The following DIAPH2 variants were observed in gnomAD, a reference collection of about 807,000 sequenced individuals.
DIAPH2 encodes protein diaphanous homolog 2.
In DIAPH2, 35 loss-of-function variants were observed where a neutral mutation model predicts 92.7. The observed-to-expected ratio is 0.38, with a 90% CI of 0.29 to 0.50. The LOEUF (loss-of-function observed/expected upper bound fraction) is 0.50, where lower values mean the gene tolerates loss of function less well. Among genes scored for constraint, DIAPH2 ranks in the 20% least tolerant of loss-of-function variants. The pLI, the probability that DIAPH2 is intolerant of heterozygous loss-of-function variation, is 0.94. For missense variants in DIAPH2, 701 were observed against 819.5 expected (o/e 0.86, Z 1.77); for synonymous variants, 301 against 280.4 (o/e 1.07, Z -0.73).
intron 17 of DIAPH2, among the ~76,000 whole-genome samples, chrX:96,968,866 C>T (rs1191243284): frequency 8.9e-6 from 1 of 112,441 alleles, no homozygotes; most frequent in East Asian, 2.8e-4. Flanking sequence ...TGAGGTCTTA[C>T]ATTTAATTCT....
chrX:96,977,735 G>A (rs1204057593), intron 17 of DIAPH2, among the ~76,000 whole-genome samples: 3 of 109,653 alleles, frequency 2.7e-5, no homozygotes, highest in African/African-American at 1.0e-4. Context: ...CCAGGCTGGA[G>A]TGCAGTGGCA....
intron 4 of DIAPH2, among the ~76,000 whole-genome samples, chrX:96,786,157 A>G (rs1001667594): frequency 6.2e-5 from 7 of 112,137 alleles, no homozygotes; most frequent in Admixed American, 4.7e-4. Context: ...GCCCTTTTCC[A>G]CAGAAAGGTA....
At chrX:96,951,705 A>G (rs1185214860) in intron 15 of DIAPH2, among the ~76,000 whole-genome samples, 1 of 111,812 alleles carries the variant, frequency 8.9e-6, no homozygotes, top group Non-Finnish European at 1.9e-5. Context: ...ACGATGTGGT[A>G]GCCTAATTTA....
chrX:96,863,568 T>A (rs2065085442), intron 4 of DIAPH2, among the ~76,000 whole-genome samples: 1 of 111,106 alleles, frequency 9.0e-6, no homozygotes, highest in South Asian at 3.7e-4. Flanking sequence ...AAATTACTAT[T>A]TAGATTTTTT....
intron 26 of DIAPH2, among the ~76,000 whole-genome samples, chrX:97,447,409 G>A (rs933709002): frequency 9.0e-6 from 1 of 111,068 alleles, no homozygotes; most frequent in Admixed American, 9.6e-5. Context: ...GCTAGGTCTC[G>A]GAGATTTTCT....
At chrX:97,288,984 G>A (rs1284396167) in intron 23 of DIAPH2, among the ~76,000 whole-genome samples, 1 of 111,020 alleles carries the variant, frequency 9.0e-6, no homozygotes, top group Non-Finnish European at 1.9e-5. Context: ...AATTCTTCCC[G>A]TGTATTTTCT....
At chrX:97,184,146 C>T (rs769673529) in intron 22 of DIAPH2, among the ~76,000 whole-genome samples, 3 of 112,058 alleles carry the variant, frequency 2.7e-5, no homozygotes, top group Non-Finnish European at 5.6e-5. Context: ...TGTCTGCCAC[C>T]AGGGCCTTGA....
At chrX:97,185,489 A>ATGTGTG (rs2067593656) in intron 22 of DIAPH2, among the ~76,000 whole-genome samples, 4 of 40,548 alleles carry the variant, frequency 9.9e-5, no homozygotes, top group Non-Finnish European at 1.5e-4. Flanking sequence ...ATATATATAT[A>ATGTGTG]TATATATATA....
intron 4 of DIAPH2, among the ~76,000 whole-genome samples, chrX:96,836,725 T>A (rs1270344461): frequency 7.4e-4 from 37 of 49,707 alleles, no homozygotes; most frequent in African/African-American, 4.2e-3. Flanking sequence ...ATATTTTTTT[T>A]TTTTTTTTTT....
At chrX:97,565,602 T>C (rs1395998737) in intron 26 of DIAPH2, among the ~76,000 whole-genome samples, 3 of 112,462 alleles carry the variant, frequency 2.7e-5, no homozygotes, top group Non-Finnish European at 5.6e-5. Context: ...TATATTCAAA[T>C]TGTAGATGAT....
At chrX:96,900,842 A>G (rs1333574953) in intron 5 of DIAPH2, among the ~76,000 whole-genome samples, 1 of 111,670 alleles carries the variant, frequency 9.0e-6, no homozygotes, top group East Asian at 2.8e-4. Flanking sequence ...TATGTTTTTG[A>G]TATGCTGTTG....
intron 22 of DIAPH2, among the ~76,000 whole-genome samples, chrX:97,240,416 CT>C (rs747447797): frequency 9.0e-6 from 1 of 110,847 alleles, no homozygotes; most frequent in Non-Finnish European, 1.9e-5. Context: ...ACCATCCTGG[CT>C]AACACAGTGA....
At chrX:97,560,713 C>T (rs1178659153) in intron 26 of DIAPH2, among the ~76,000 whole-genome samples, 1 of 112,095 alleles carries the variant, frequency 8.9e-6, no homozygotes, top group Non-Finnish European at 1.9e-5. Context: ...GGCTGGTCTT[C>T]AACTCCTGAC....
At chrX:97,028,200 C>G (rs1285237319) in intron 17 of DIAPH2, among the ~76,000 whole-genome samples, 1 of 111,014 alleles carries the variant, frequency 9.0e-6, no homozygotes, top group Non-Finnish European at 1.9e-5. Context: ...CGTGGCCAAT[C>G]ATCTTCAATA....
chrX:97,359,839 G>A (rs1250612105), intron 24 of DIAPH2, among the ~76,000 whole-genome samples: 1 of 110,839 alleles, frequency 9.0e-6, no homozygotes. Flanking sequence ...GCCTCCCAAA[G>A]TGCTGGGAAT....
At chrX:97,549,645 A>T (rs1353652347) in intron 26 of DIAPH2, among the ~76,000 whole-genome samples, 1 of 111,244 alleles carries the variant, frequency 9.0e-6, no homozygotes, top group East Asian at 2.8e-4. Context: ...TAATCTATAG[A>T]CTTTATTTAA....
At chrX:96,916,128 A>G (rs981568405) in intron 7 of DIAPH2, among the ~76,000 whole-genome samples, 1 of 111,728 alleles carries the variant, frequency 9.0e-6, no homozygotes, top group Non-Finnish European at 1.9e-5. Flanking sequence ...TTAGAAAATC[A>G]TATCAGTATG....
intron 4 of DIAPH2, among the ~76,000 whole-genome samples, chrX:96,866,876 T>C (rs767643626): frequency 8.9e-6 from 1 of 112,400 alleles, no homozygotes; most frequent in East Asian, 2.8e-4. Context: ...GTAAATGACA[T>C]GCTAGAATAG....
chrX:97,208,177 A>T (rs2067813079), intron 22 of DIAPH2, among the ~76,000 whole-genome samples: 1 of 111,860 alleles, frequency 8.9e-6, no homozygotes, highest in Non-Finnish European at 1.9e-5. Flanking sequence ...TGGAAATGAA[A>T]ACGTTCTAGT....
Sources: gnomAD v4.1 joint callset for allele counts (sites outside exome capture counted in the v4.1 genomes callset) on GRCh38, gnomAD v4.1.1 for gene constraint, MANE v1.5 for transcripts, NCBI Gene and HGNC (gene_info 2026-07-23, HGNC 2026-07-21) for gene names.